MCTP2: variants seen among roughly 807,000 people sequenced by gnomAD.
MCTP2 encodes multiple C2 and transmembrane domain-containing protein 2.
MCTP2 carries 132 observed loss-of-function variants against 111.6 expected under a neutral mutation model. That is an observed-to-expected ratio of 1.18 (90% CI 1.03 to 1.37). MCTP2 has a LOEUF of 1.37. MCTP2 is among the 40% of genes most tolerant of loss of function. The pLI is 0.00. For missense variants in MCTP2, 1,183 were observed against 1,067.9 expected (o/e 1.11, Z -1.50); for synonymous variants, 395 against 387.7 (o/e 1.02, Z -0.22).
chr15:94,321,128 AGAG>A, intron 4 of MCTP2, among the ~76,000 whole-genome samples: 1 of 152,314 alleles, frequency 6.6e-6, no homozygotes, highest in East Asian at 1.9e-4. Flanking sequence ...GTGGAGACAG[AGAG>A]GAGAATGCTT....
At chr15:94,348,845 T>C (rs140977953) in intron 8 of MCTP2, among the ~76,000 whole-genome samples, 5 of 152,230 alleles carry the variant, frequency 3.3e-5, no homozygotes, top group African/African-American at 9.6e-5. Context: ...CATTCTTCAC[T>C]GAATTCAAAT....
At chr15:94,232,141 C>T (rs182350805) in intron 1 of MCTP2, 8 of 152,308 alleles carry the variant, frequency 5.3e-5, no homozygotes, top group Admixed American at 1.3e-4. Context: ...AGGTAACAAA[C>T]AGTGTCTCAA....
chr15:94,298,875 C>A (rs1336802157), intron 2 of MCTP2, 145 bp downstream of exon 2: 1 of 369,834 alleles, frequency 2.7e-6, no homozygotes, highest in Non-Finnish European at 4.5e-6. Flanking sequence ...TCTCTCTCCC[C>A]CTCCCCCCTC....
intron 14 of MCTP2, among the ~76,000 whole-genome samples, chr15:94,393,055 A>C (rs751438905): frequency 2.6e-5 from 4 of 152,170 alleles, no homozygotes; most frequent in African/African-American, 4.8e-5. Flanking sequence ...TAAAGGAAAT[A>C]TTTGCAAATA....
At chr15:94,274,771 G>A (rs2074098029) in intron 1 of MCTP2, among the ~76,000 whole-genome samples, 2 of 152,032 alleles carry the variant, frequency 1.3e-5, no homozygotes, top group African/African-American at 4.8e-5. Flanking sequence ...GAGCTTTACT[G>A]ATGCATCCTT....
chr15:94,424,409 C>T (rs779547395), intron 17 of MCTP2, among the ~76,000 whole-genome samples: 4 of 152,048 alleles, frequency 2.6e-5, no homozygotes, highest in Admixed American at 2.6e-4. Context: ...CAATAGTTCC[C>T]AGTGAGGTGC....
chr15:94,245,190 ATATG>A (rs1354142392), intron 1 of MCTP2, among the ~76,000 whole-genome samples: 7 of 144,526 alleles, frequency 4.8e-5, no homozygotes, highest in South Asian at 2.2e-4. Context: ...TTATACACAC[ATATG>A]TATGTATATA....
chr15:94,465,949 T>G (rs558878105), intron 20 of MCTP2, among the ~76,000 whole-genome samples: 73 of 152,312 alleles, frequency 4.8e-4, no homozygotes, highest in African/African-American at 1.5e-3. Context: ...CTTTGATATC[T>G]GCCATCTGTT....
chr15:94,237,594 AGAAGAAAGTG>A (rs1474220368), intron 1 of MCTP2, among the ~76,000 whole-genome samples: 3 of 152,194 alleles, frequency 2.0e-5, no homozygotes, highest in Non-Finnish European at 2.9e-5. Flanking sequence ...TACCTGACAA[AGAAGAAAGTG>A]GAAATATTTT....
chr15:94,340,876 C>A lies in MCTP2; in HGVS notation c.921C>A (p.Ile307=), dbSNP rs749516096. 11 of 1,612,830 alleles carry A rather than the reference C, an allele frequency of 6.8e-6. No homozygotes were observed. In the East Asian group the frequency reaches 8.9e-5, roughly 13 times the overall value. Residue 307 remains isoleucine, a synonymous_variant, in exon 7 of 23, where the codon ATC becomes ATA. Transcript: ENST00000357742. Reference sequence around the variant, plus strand: ...GTTTAGAAGATGACATGGGAGTGATCGTGTTAAATTTGAACCTAGTGGTAA... The same window carrying A: ...GTTTAGAAGATGACATGGGAGTGATAGTGTTAAATTTGAACCTAGTGGTAA... ...PNSLEDDMGV[I]VLNLNLVVKQ...
At chr15:94,286,266 T>C (rs1193755714) in intron 1 of MCTP2, among the ~76,000 whole-genome samples, 2 of 152,222 alleles carry the variant, frequency 1.3e-5, no homozygotes, top group African/African-American at 4.8e-5. Context: ...ATAATCTGTC[T>C]ATATAATTAC....
At chr15:94,400,038 CA>C (rs750583815) in intron 16 of MCTP2, 43 bp downstream of exon 16, 1 of 1,533,254 alleles carries the variant, frequency 6.5e-7, no homozygotes, top group South Asian at 1.1e-5. Context: ...GTACACTCAG[CA>C]CCCAGCAGCT....
intron 1 of MCTP2, among the ~76,000 whole-genome samples, chr15:94,281,867 A>G (rs1260758251): frequency 6.6e-6 from 1 of 151,804 alleles, no homozygotes; most frequent in African/African-American, 2.4e-5. Context: ...TTTTTTTCAT[A>G]TACTGAATAT....
rs2074675477 is a variant in MCTP2, at chr15:94,480,558, G to C, written c.*1524G>C. 6.6e-6 allele frequency: 1 copy of C among 152,268 alleles called. No individual in the cohort carries two copies. The allele number at this position is 152,268 out of a possible 1,614,324, so 9.4% of individuals were successfully genotyped here. A position where few individuals can be genotyped will look rare whatever the true frequency, so the allele number is the denominator to read the frequency against. On this transcript the variant is annotated 3_prime_UTR_variant, in exon 23 of 23. Coordinates refer to ENST00000357742, the MANE Select transcript of MCTP2 (RefSeq NM_001385001.1). ...AAAAGCTCCAGTAAATCTCGTAGTT[G>C]TACATACAATAGATACCCAAGAACC...
intron 10 of MCTP2, among the ~76,000 whole-genome samples, chr15:94,364,220 A>C (rs1475642456): frequency 6.6e-6 from 1 of 152,084 alleles, no homozygotes; most frequent in Non-Finnish European, 1.5e-5. Flanking sequence ...ATTTGTTTAC[A>C]TTGTCTGTTA....
chr15:94,327,076 A>C (rs1339399421), intron 4 of MCTP2, among the ~76,000 whole-genome samples: 1 of 151,990 alleles, frequency 6.6e-6, no homozygotes, highest in African/African-American at 2.4e-5. Context: ...ACTTGCCTTT[A>C]GATTGTGTTT....
At chr15:94,369,713 G>A (rs1323234932) in intron 11 of MCTP2, among the ~76,000 whole-genome samples, 3 of 152,126 alleles carry the variant, frequency 2.0e-5, no homozygotes, top group East Asian at 1.9e-4. Flanking sequence ...GAATAATGTT[G>A]TGTTTCAGAG....
intron 1 of MCTP2, among the ~76,000 whole-genome samples, chr15:94,293,215 A>T (rs952178914): frequency 6.6e-6 from 1 of 152,168 alleles, no homozygotes; most frequent in African/African-American, 2.4e-5. Flanking sequence ...TTGTTAGACT[A>T]TATCAAAATT....
At chr15:94,385,113 CT>C (rs1329501623) in intron 13 of MCTP2, among the ~76,000 whole-genome samples, 1 of 152,202 alleles carries the variant, frequency 6.6e-6, no homozygotes, top group Non-Finnish European at 1.5e-5. Flanking sequence ...GGACACTCTG[CT>C]AATGCTTTCT....
Sources: gnomAD v4.1 joint callset for allele counts (sites outside exome capture counted in the v4.1 genomes callset) on GRCh38, gnomAD v4.1.1 for gene constraint, MANE v1.5 for transcripts, NCBI Gene and HGNC (gene_info 2026-07-23, HGNC 2026-07-21) for gene names.